The following GPR89A variants were observed in gnomAD, a reference collection of about 807,000 sequenced individuals.
GPR89A encodes G protein-coupled receptor 89A.
GPR89A carries 16 observed loss-of-function variants against 52.0 expected under a neutral mutation model. The observed-to-expected ratio is 0.31, with a 90% CI of 0.21 to 0.47. GPR89A has a LOEUF of 0.47. GPR89A is among the 20% of genes least tolerant of loss of function. GPR89A has a pLI of 1.00. For synonymous variants in GPR89A, 55 were observed against 150.9 expected (o/e 0.36, Z 4.66); for missense variants, 135 against 449.4 (o/e 0.30, Z 6.33).
chr1:145,617,258 T>G (rs1648772690), intron 2 of GPR89A, among the ~76,000 whole-genome samples: 1 of 152,218 alleles, frequency 6.6e-6, no homozygotes. Context: ...ACTCGCTTTC[T>G]GCAAGAAGAA....
At chr1:145,665,393 G>A (rs587671974) in intron 11 of GPR89A, among the ~76,000 whole-genome samples, 169 bp from the exon 12 acceptor site, 311 of 152,204 alleles carry the variant, frequency 2.0e-3, no homozygotes, top group Middle Eastern at 0.014. Context: ...TCTTTCTGTA[G>A]TTGTTTTATT....
At chr1:145,612,759 A>G (rs1230029951) in intron 1 of GPR89A, among the ~76,000 whole-genome samples, 1 of 152,080 alleles carries the variant, frequency 6.6e-6, no homozygotes, top group Non-Finnish European at 1.5e-5. Flanking sequence ...TTTTCTCCTT[A>G]CTTGACTGCT....
At chr1:145,635,960 A>T (rs1211046814) in intron 7 of GPR89A, among the ~76,000 whole-genome samples, 3 of 151,914 alleles carry the variant, frequency 2.0e-5, no homozygotes, top group Non-Finnish European at 4.4e-5. Context: ...TCTGTCTCAA[A>T]AAAAAAAAAA....
intron 10 of GPR89A, among the ~76,000 whole-genome samples, chr1:145,661,810 A>G (rs1652223458): frequency 6.7e-6 from 1 of 149,442 alleles, no homozygotes; most frequent in Non-Finnish European, 1.5e-5. Flanking sequence ...ATGTACTGCT[A>G]TACTAGATCT....
At chr1:145,660,436 A>G (rs2101834837) in intron 10 of GPR89A, among the ~76,000 whole-genome samples, 1 of 152,278 alleles carries the variant, frequency 6.6e-6, no homozygotes, top group Non-Finnish European at 1.5e-5. Flanking sequence ...AATGGCAACA[A>G]AAGCCAAAAT....
chr1:145,612,011 G>A (rs1295454327), intron 1 of GPR89A, among the ~76,000 whole-genome samples: 8 of 152,002 alleles, frequency 5.3e-5, no homozygotes, highest in African/African-American at 1.9e-4. Context: ...CTAATACAGA[G>A]GCCTGAAGGC....
intron 10 of GPR89A, among the ~76,000 whole-genome samples, chr1:145,660,574 T>A (rs1553695444): frequency 6.6e-6 from 1 of 152,028 alleles, no homozygotes; most frequent in African/African-American, 2.4e-5. Flanking sequence ...AGGGCTAATA[T>A]CCAGAATCTA....
intron 10 of GPR89A, among the ~76,000 whole-genome samples, chr1:145,654,659 G>T (rs1194487275): frequency 6.7e-6 from 1 of 149,958 alleles, no homozygotes; most frequent in Non-Finnish European, 1.5e-5. Context: ...ACTTCTCTTT[G>T]TAGGTGACCT....
In GPR89A at chr1:145,635,717, C is replaced by T. The variant is rs376477017; in HGVS notation, c.617+3973C>T. 7.9e-5 allele frequency among the ~76,000 whole-genome samples: 12 copies of T among 152,234 alleles called. No homozygotes were observed. In the South Asian group the frequency reaches 2.5e-3, roughly 32 times the overall value. On this transcript the variant is annotated intron_variant, in intron 7 of 13. Transcript: ENST00000313835. ...TGAAGTCATGACCGGGTACTCATGC[C>T]TGTAACCCTAACGCTTTGAGAGGCT...
At chr1:145,629,889 TTATAGCTC>T (rs1212498480) in intron 5 of GPR89A, among the ~76,000 whole-genome samples, 1 of 152,244 alleles carries the variant, frequency 6.6e-6, no homozygotes, top group African/African-American at 2.4e-5. Flanking sequence ...AATTCCTGAA[TTATAGCTC>T]TGGCATTTGA....
intron 3 of GPR89A, among the ~76,000 whole-genome samples, chr1:145,620,302 G>A (rs1287384621): frequency 6.6e-6 from 1 of 152,134 alleles, no homozygotes. Context: ...ATAAACAAAC[G>A]AGCATGGCCA....
At chr1:145,622,098 A>G (rs1649181543) in intron 3 of GPR89A, among the ~76,000 whole-genome samples, 1 of 152,054 alleles carries the variant, frequency 6.6e-6, no homozygotes, top group African/African-American at 2.4e-5. Context: ...AAATGAAAAC[A>G]TACGTCCACA....
chr1:145,623,266 T>A (rs1553688462), intron 4 of GPR89A, 106 bp downstream of exon 4: 1 of 669,782 alleles, frequency 1.5e-6, no homozygotes, highest in Non-Finnish European at 2.5e-6. Flanking sequence ...TATCTACCGC[T>A]ATTTGAGGAT....
At chr1:145,633,902 G>A (rs1300412784) in intron 7 of GPR89A, among the ~76,000 whole-genome samples, 1 of 150,210 alleles carries the variant, frequency 6.7e-6, no homozygotes, top group Non-Finnish European at 1.5e-5. Flanking sequence ...ACTTAAAATA[G>A]CTACAAGAAA....
chr1:145,624,478 A>G (rs1559028775), intron 5 of GPR89A, among the ~76,000 whole-genome samples: 1 of 149,002 alleles, frequency 6.7e-6, no homozygotes. Flanking sequence ...TGTAATAAAT[A>G]TACTACAGGT....
chr1:145,617,592 A>G (rs1490223006), intron 2 of GPR89A, among the ~76,000 whole-genome samples: 2 of 152,276 alleles, frequency 1.3e-5, no homozygotes, highest in East Asian at 3.9e-4. Flanking sequence ...TGCAGTAAAG[A>G]CAGGTGTAAG....
At chr1:145,608,222 G>T in intron 1 of GPR89A, 47 bp downstream of exon 1, 2 of 1,612,662 alleles carry the variant, frequency 1.2e-6, no homozygotes, top group Non-Finnish European at 1.7e-6. Flanking sequence ...TCCCTTTACC[G>T]AATCGCCCTC....
chr1:145,608,429 A>C (rs1553685445), intron 1 of GPR89A: 4 of 657,982 alleles, frequency 6.1e-6, no homozygotes, highest in South Asian at 5.3e-5. Context: ...CACTTTTGGA[A>C]GCGGTCCGCC....
At chr1:145,620,525 ATTAG>A (rs1649067854) in intron 3 of GPR89A, among the ~76,000 whole-genome samples, 1 of 149,054 alleles carries the variant, frequency 6.7e-6, no homozygotes, top group Non-Finnish European at 1.5e-5. Context: ...AAATTTCTTA[ATTAG>A]TTAAAGAGGA....
Sources: allele counts gnomAD v4.1 joint callset (sites outside exome capture counted in the v4.1 genomes callset), GRCh38; gene constraint gnomAD v4.1.1; transcripts MANE v1.5; gene names NCBI Gene and HGNC (gene_info 2026-07-23, HGNC 2026-07-21).